Variants in BAHCC1 observed in about 807,000 individuals in gnomAD.
BAHCC1 encodes the protein BAH and coiled-coil domain-containing protein 1.
Under a neutral mutation model 88.2 loss-of-function variants are expected in BAHCC1, and 43 were observed. The observed-to-expected ratio is 0.49, with a 90% confidence interval of 0.38 to 0.63. The LOEUF (loss-of-function observed/expected upper bound fraction) is 0.63, where lower values mean the gene tolerates loss of function less well. Ranked by LOEUF, BAHCC1 falls within the 20% of genes least tolerant of loss-of-function variation. The pLI, the probability that BAHCC1 is intolerant of heterozygous loss-of-function variation, is 0.00. For missense variants in BAHCC1, 3,023 were observed against 1,654.8 expected (o/e 1.83, Z -14.34); for synonymous variants, 1,510 against 745.5 (o/e 2.03, Z -16.71).
At chr17:81,412,544 G>A (rs756620736) in intron 2 of BAHCC1, among the ~76,000 whole-genome samples, 3 of 152,212 alleles carry the variant, frequency 2.0e-5, no homozygotes, top group Non-Finnish European at 4.4e-5. Context: ...ACCCCTTGGG[G>A]CCCGTCGGCC....
At position 81,447,028 on chromosome 17, in the gene BAHCC1, C is replaced by T. The variant is rs782003394; in HGVS notation, c.3164-8C>T. ...CAGCTCCCTGCTGACCTGTCCCCTC[C>T]TTTGCAGACCTGCCTCCCGGATACC... On this transcript the variant is annotated splice_polypyrimidine_tract_variant and splice_region_variant and intron_variant, in intron 10 of 27. Transcript: ENST00000675386. 2 of 779,078 alleles carry T rather than the reference C, an allele frequency of 2.6e-6. No homozygotes were observed. The highest frequency in any genetic ancestry group is 2.7e-5 in the South Asian group (2 of 74,622). 48.3% of individuals were successfully genotyped at this position (779,078 alleles called of 1,614,324 possible).
chr17:81,443,815 G>C lies in BAHCC1; in HGVS notation c.2222G>C (p.Gly741Ala), dbSNP rs2143526075. Residue 741 changes from glycine (G) to alanine (A), a missense_variant, in exon 6 of 28, where the codon GGT (glycine) becomes GCT (alanine). By Grantham distance (60) the Gly-to-Ala change is moderately conservative (BLOSUM62 0). Coordinates refer to ENST00000675386, the MANE Select transcript of BAHCC1 (RefSeq NM_001377448.1). ...GRAAPAFKGGGGPRSTHALDL... is the reference protein window; with the variant it reads ...GRAAPAFKGGAGPRSTHALDL... The stretch of plus-strand genomic sequence containing the variant: ...CTGTCTCGACCCTGTGCAGGTGGCG[G>C]TGGGCCCCGTTCCACACACGCGCTG... 1 of 711,344 alleles carries C rather than the reference G, an allele frequency of 1.4e-6. No individual in the cohort carries two copies. Among genetic ancestry groups the C allele is most frequent in the Non-Finnish European group, 2.6e-6 (1 of 384,748 alleles). 44.1% of individuals were successfully genotyped at this position (711,344 alleles called of 1,614,324 possible).
intron 2 of BAHCC1, among the ~76,000 whole-genome samples, chr17:81,416,610 A>G (rs200032443): frequency 1.9e-4 from 26 of 140,092 alleles, no homozygotes; most frequent in Non-Finnish European, 1.6e-4. Flanking sequence ...GCGCGTATGT[A>G]CGTGTGTGTG....
intron 3 of BAHCC1, among the ~76,000 whole-genome samples, chr17:81,428,772 G>A (rs1008153843): frequency 6.6e-6 from 1 of 152,230 alleles, no homozygotes; most frequent in Non-Finnish European, 1.5e-5. Context: ...CTGCCTGGGC[G>A]GAGCTGCCCA....
At chr17:81,421,945 A>G in intron 2 of BAHCC1, 1 of 430,370 alleles carries the variant, frequency 2.3e-6, no homozygotes, top group East Asian at 8.1e-5. Flanking sequence ...CTGTGCCCAG[A>G]AGTGGTCCCA....
intron 1 of BAHCC1, among the ~76,000 whole-genome samples, chr17:81,397,407 A>AC (rs1478295893): frequency 2.0e-5 from 3 of 150,304 alleles, no homozygotes; most frequent in Admixed American, 6.6e-5. Flanking sequence ...AAAAAAAAAA[A>AC]AAAAACAACC....
intron 2 of BAHCC1, among the ~76,000 whole-genome samples, chr17:81,420,530 C>T (rs548558178): frequency 4.6e-5 from 7 of 152,386 alleles, no homozygotes; most frequent in African/African-American, 1.7e-4. Flanking sequence ...TGGGGCTGTG[C>T]CCGAGGACCT....
intron 1 of BAHCC1, among the ~76,000 whole-genome samples, chr17:81,398,588 C>T (rs1598443163): frequency 7.3e-6 from 1 of 136,120 alleles, no homozygotes; most frequent in Non-Finnish European, 1.6e-5. Flanking sequence ...TGAGAGAGAG[C>T]ATTCTGACTC....
Position 81,405,589 on chromosome 17 carries a change from C to T in BAHCC1, c.178+5672C>T, listed in dbSNP as rs552598519. On this transcript the variant is annotated intron_variant, in intron 2 of 27. Coordinates refer to ENST00000675386, the MANE Select transcript of BAHCC1 (RefSeq NM_001377448.1). Reference sequence around the variant, plus strand: ...CCTGATCTAGCTCCAGGGTCTGAGCCCGAGACTGTCCATGTCCCTGGGCTG... The same window carrying T: ...CCTGATCTAGCTCCAGGGTCTGAGCTCGAGACTGTCCATGTCCCTGGGCTG... Among the ~76,000 whole-genome samples the T allele has an allele frequency of 8.5e-4, 129 of 152,296 alleles. No homozygotes were observed. The South Asian group carries it at 0.026, about 30-fold the overall frequency.
intron 13 of BAHCC1, 110 bp from the exon 14 acceptor site, chr17:81,452,613 G>T (rs548095140): frequency 3.6e-6 from 2 of 556,240 alleles, no homozygotes; most frequent in East Asian, 6.8e-5. Flanking sequence ...AGTCTGGGCC[G>T]CATCTTTCCC....
intron 2 of BAHCC1, among the ~76,000 whole-genome samples, chr17:81,408,674 T>C (rs2063911007): frequency 6.6e-6 from 1 of 152,204 alleles, no homozygotes; most frequent in Admixed American, 6.5e-5. Context: ...GAGCTGTTCT[T>C]GGCCTGCAGC....
At chr17:81,396,968 C>CT (rs1178882929) in intron 1 of BAHCC1, 2 of 152,272 alleles carry the variant, frequency 1.3e-5, no homozygotes, top group Admixed American at 1.3e-4. Flanking sequence ...TGGAGCTGGG[C>CT]TGGGAGTGGG....
rs904179883 is a variant in BAHCC1, at chr17:81,443,420, A to G, written c.2071A>G (p.Thr691Ala). The G allele has an allele frequency of 6.5e-6, 5 of 766,118 alleles. No homozygotes were observed. Among genetic ancestry groups the G allele is most frequent in the Non-Finnish European group, 1.2e-5 (5 of 411,838 alleles). 47.5% of individuals were successfully genotyped at this position (766,118 alleles called of 1,614,324 possible). A position where few individuals can be genotyped will look rare whatever the true frequency, so the allele number is the denominator to read the frequency against. The change falls in exon 5 of 28, where the codon ACC becomes GCC. Residue 691 changes from threonine (T) to alanine (A), a missense_variant. By Grantham distance (58) the Thr-to-Ala change is moderately conservative. Transcript: ENST00000675386. ...PDCARSREHD[T>A]THGDGEVRQP... ...CTGTGCCCGCAGCAGGGAGCACGAC[A>G]CCACGCACGGCGACGGGGAGGTGCG...
At chr17:81,427,071 G>A (rs1023159294) in intron 3 of BAHCC1, 92 bp downstream of exon 3, 20 of 398,284 alleles carry the variant, frequency 5.0e-5, no homozygotes, top group South Asian at 1.3e-4. Context: ...GGCTCCCATC[G>A]TGGCCGTGGG....
chr17:81,409,857 G>C (rs1213058643), intron 2 of BAHCC1, among the ~76,000 whole-genome samples: 1 of 152,196 alleles, frequency 6.6e-6, no homozygotes, highest in Non-Finnish European at 1.5e-5. Context: ...AGGCAACAGC[G>C]CTGCCTCAGG....
intron 23 of BAHCC1, 108 bp downstream of exon 23, chr17:81,459,712 C>T (rs1555658597): frequency 7.8e-6 from 5 of 641,938 alleles, no homozygotes; most frequent in African/African-American, 1.8e-5. Flanking sequence ...AGAACCAGCT[C>T]TCTGCTTAGA....
chr17:81,404,257 G>A (rs1418133485), intron 2 of BAHCC1, among the ~76,000 whole-genome samples: 1 of 152,240 alleles, frequency 6.6e-6, no homozygotes, highest in Non-Finnish European at 1.5e-5. Flanking sequence ...CTTTGGCAAA[G>A]AGCACAGAGT....
At chr17:81,408,296 C>T (rs2143238827) in intron 2 of BAHCC1, among the ~76,000 whole-genome samples, 1 of 152,286 alleles carries the variant, frequency 6.6e-6, no homozygotes, top group South Asian at 2.1e-4. Flanking sequence ...GCATGGGGCA[C>T]TGCTTCCTGT....
At chr17:81,438,271 C>G (rs1474586350) in intron 3 of BAHCC1, 99 bp from the exon 4 acceptor site, 10 of 729,136 alleles carry the variant, frequency 1.4e-5, no homozygotes, top group Non-Finnish European at 2.3e-5. Context: ...GGACATCGCT[C>G]CTGGGCTGCC....
Sources: gnomAD v4.1 joint callset for allele counts (sites outside exome capture counted in the v4.1 genomes callset) on GRCh38, gnomAD v4.1.1 for gene constraint, MANE v1.5 for transcripts, NCBI Gene and HGNC (gene_info 2026-07-23, HGNC 2026-07-21) for gene names.